The following UGT2A3 variants were observed in gnomAD, a reference collection of about 807,000 sequenced individuals.
UGT2A3 encodes the protein UDP-glucuronosyltransferase 2A3.
A neutral mutation model predicts 44.1 loss-of-function variants in UGT2A3; 55 were observed. The observed-to-expected ratio is 1.25, with a 90% CI of 1.00 to 1.56. The LOEUF (loss-of-function observed/expected upper bound fraction) is 1.56. Among genes scored for constraint, UGT2A3 ranks in the 40% most tolerant of loss-of-function variants. UGT2A3 has a pLI of 0.00. For synonymous variants in UGT2A3, 243 were observed against 215.1 expected, an observed-to-expected ratio of 1.13 and a Z score of -1.13; for missense variants, 733 against 621.6, an observed-to-expected ratio of 1.18 and a Z score of -1.91.
chr4:68,935,654 C>T (rs1296589258), intron 2 of UGT2A3, among the ~76,000 whole-genome samples: 1 of 151,978 alleles, frequency 6.6e-6, no homozygotes, highest in African/African-American at 2.4e-5. Context: ...CGCCACTACT[C>T]CTCCAAAGGA....
intron 2 of UGT2A3, 62 bp downstream of exon 2, chr4:68,945,244 C>T (rs900631351): frequency 1.5e-5 from 23 of 1,584,792 alleles, no homozygotes; most frequent in Non-Finnish European, 1.9e-5. Flanking sequence ...AGGTTGTAAT[C>T]TTTCAAGGGA....
intron 2 of UGT2A3, among the ~76,000 whole-genome samples, chr4:68,934,161 T>C (rs1717849238): frequency 6.6e-6 from 1 of 151,860 alleles, no homozygotes; most frequent in Non-Finnish European, 1.5e-5. Context: ...CAATAATCTC[T>C]TTGACAAGTT....
intron 1 of UGT2A3, 112 bp downstream of exon 1, chr4:68,950,934 A>G (rs1718559166): frequency 2.7e-6 from 2 of 735,688 alleles, no homozygotes; most frequent in South Asian, 3.0e-5. Flanking sequence ...CAGCTACAAC[A>G]TTTTCTAAAA....
chr4:68,936,999 G>A (rs1717978914), intron 2 of UGT2A3, among the ~76,000 whole-genome samples: 1 of 150,992 alleles, frequency 6.6e-6, no homozygotes, highest in Admixed American at 6.6e-5. Flanking sequence ...TAATGGTAAA[G>A]GGATCAATTC....
Position 68,951,121 on chromosome 4 carries a change from G to A in UGT2A3, c.640C>T (p.Leu214Phe), listed in dbSNP as rs777343647. The A allele has an allele frequency of 5.6e-6, 9 of 1,611,398 alleles. No homozygotes were observed. In the African/African-American group the frequency reaches 6.7e-5, roughly 12 times the overall value. The change falls in exon 1 of 6, where the codon CTT becomes TTT. Residue 214 changes from leucine (L) to phenylalanine (F), a missense_variant. Coordinates refer to ENST00000251566, the MANE Select transcript of UGT2A3 (RefSeq NM_024743.4). ...TFLERVKNSM[L>F]SVLFHFWIQD... ...ATCCAGAAGTGGAACAAAACTGAAA[G>A]CATTGAATTTTTTACTCTTTCCAGA...
At chr4:68,932,834 AAAAT>A (rs1717786863) in intron 2 of UGT2A3, 75 bp from the exon 3 acceptor site, 2 of 1,406,888 alleles carry the variant, frequency 1.4e-6, no homozygotes, top group African/African-American at 3.0e-5. Flanking sequence ...TTACACTTCT[AAAAT>A]AAATACTTGA....
intron 1 of UGT2A3, among the ~76,000 whole-genome samples, chr4:68,947,358 G>T (rs371361591): frequency 6.6e-6 from 1 of 151,604 alleles, no homozygotes; most frequent in South Asian, 2.1e-4. Context: ...CCTCCTCACC[G>T]GTTTTACAGG....
intron 2 of UGT2A3, among the ~76,000 whole-genome samples, chr4:68,934,045 T>C (rs1187519808): frequency 6.8e-6 from 1 of 146,784 alleles, no homozygotes; most frequent in East Asian, 1.9e-4. Context: ...AGAGCAAGTA[T>C]TGTTAAAAAA....
In UGT2A3 at chr4:68,929,912, C is replaced by T. The variant is rs1381857290; in HGVS notation, c.1485G>A (p.Leu495=). The T allele has an allele frequency of 3.7e-6, 6 of 1,613,490 alleles. No individual in the cohort carries two copies. The highest frequency in any genetic ancestry group is 5.1e-6 in the Non-Finnish European group (6 of 1,179,586). The change falls in exon 6 of 6, where the codon CTG becomes CTA. Residue 495 remains leucine, a synonymous_variant. Transcript: ENST00000251566. ...ATATAGCAGTTGCCACACAGGCCAG[C>T]AGGAACCCAATCACATCTATAGAGT... is the stretch of plus-strand genomic sequence containing the variant. ...QHYSIDVIGF[L]LACVATAIFL... is the part of the protein sequence containing the mutation.
chr4:68,943,501 TTGATTA>T (rs937315856), intron 2 of UGT2A3: 12 of 287,532 alleles, frequency 4.2e-5, no homozygotes, highest in Admixed American at 5.6e-5. Context: ...TTATAGGATT[TTGATTA>T]TATTTCCATA....
In UGT2A3 at chr4:68,930,681, C is replaced by G. The variant is rs578203341; in HGVS notation, c.1169G>C (p.Gly390Ala). ...EAIYHGVPMV[G>A]VPIFGDQLDN... ...AAGCTGATCACCAAATATGGGAACTCCCACCATAGGGACCCCATGGTAAAT... is the reference window on the plus strand; with the variant it reads ...AAGCTGATCACCAAATATGGGAACTGCCACCATAGGGACCCCATGGTAAAT... Residue 390 changes from glycine to alanine, a missense_variant, in exon 5 of 6, where the codon GGA (glycine) becomes GCA (alanine). Gly to Ala is a moderately conservative substitution (Grantham distance 60, BLOSUM62 0). Transcript: ENST00000251566. 1 of 1,613,340 alleles carries G rather than the reference C, an allele frequency of 6.2e-7. No individual in the cohort carries two copies. The highest frequency in any genetic ancestry group is 1.7e-5 in the Admixed American group (1 of 59,960).
intron 1 of UGT2A3, among the ~76,000 whole-genome samples, chr4:68,947,499 T>A (rs1718422519): frequency 6.6e-6 from 1 of 151,814 alleles, no homozygotes; most frequent in African/African-American, 2.4e-5. Flanking sequence ...CTCAAAATCA[T>A]CCAGGAGAGT....
chr4:68,945,472 C>A lies in UGT2A3; in HGVS notation c.716-18G>T, dbSNP rs781103270. 2.2e-5 allele frequency: 35 copies of A among 1,579,934 alleles called. No homozygotes were observed. The East Asian group carries it at 7.9e-4, about 36-fold the overall frequency. On this transcript the variant is annotated intron_variant, in intron 1 of 5. Transcript: ENST00000251566. ...GGGCCTTCCTCAATAAAAGAAATAACAGAATGAATTAGCATACAATTCAAA... is the reference window on the plus strand; with the variant it reads ...GGGCCTTCCTCAATAAAAGAAATAAAAGAATGAATTAGCATACAATTCAAA...
chr4:68,943,200 T>C, intron 2 of UGT2A3: 1 of 479,558 alleles, frequency 2.1e-6, no homozygotes, highest in South Asian at 2.2e-5. Context: ...TTTCTATGAG[T>C]GTGTGTTTGT....
At chr4:68,942,526 TATATATATATATAC>T (rs1270570138) in intron 2 of UGT2A3, among the ~76,000 whole-genome samples, 2 of 144,876 alleles carry the variant, frequency 1.4e-5, no homozygotes, top group South Asian at 2.2e-4. Flanking sequence ...TATATATATA[TATATATATATATAC>T]ATTTTCCAAT....
At position 68,951,211 on chromosome 4, in the gene UGT2A3, TC is replaced by T; in HGVS notation, c.549del (p.Lys184AsnfsTer13). 3 of 1,612,004 alleles carry T rather than the reference TC, an allele frequency of 1.9e-6. No homozygotes were observed. The highest frequency in any genetic ancestry group is 2.5e-6 in the Non-Finnish European group (3 of 1,179,012). ...ACATAGGAAAGTGGAGCTGGAAGTT[TC>T]CCACAGCTTCGCTCCATATTGCCTC... is the stretch of plus-strand genomic sequence containing the variant. ...SVGGNMERSCGKLPAPLSYVP... is the reference protein window; with the variant it reads ...SVGGNMERSCXKLPAPLSYVP... On this transcript the variant is annotated frameshift_variant, in exon 1 of 6. Transcript: ENST00000251566. LOFTEE classifies it high-confidence loss of function.
At chr4:68,949,755 T>G (rs1718510947) in intron 1 of UGT2A3, among the ~76,000 whole-genome samples, 1 of 151,916 alleles carries the variant, frequency 6.6e-6, no homozygotes, top group African/African-American at 2.4e-5. Context: ...TGATATCCCT[T>G]TTCCTATAGT....
At chr4:68,944,253 A>T (rs991581144) in intron 2 of UGT2A3, among the ~76,000 whole-genome samples, 4 of 151,806 alleles carry the variant, frequency 2.6e-5, no homozygotes, top group Non-Finnish European at 2.9e-5. Flanking sequence ...GGTGTCTTCC[A>T]GTGTAAACAA....
At chr4:68,930,434 T>C (rs544506386) in intron 5 of UGT2A3, 112 bp downstream of exon 5, 11 of 1,023,246 alleles carry the variant, frequency 1.1e-5, no homozygotes, top group Non-Finnish European at 1.6e-5. Flanking sequence ...AATGACTCAA[T>C]ATTGTGGAGT....
Sources: allele counts gnomAD v4.1 joint callset (sites outside exome capture counted in the v4.1 genomes callset), GRCh38; gene constraint gnomAD v4.1.1; transcripts MANE v1.5; gene names NCBI Gene and HGNC (gene_info 2026-07-23, HGNC 2026-07-21).